Variants in DMRT1 observed in about 807,000 individuals in gnomAD.
DMRT1 encodes doublesex and mab-3 related transcription factor 1.
A neutral mutation model predicts 32.3 loss-of-function variants in DMRT1; 7 were observed. The ratio of observed to expected loss-of-function variants is 0.22; its 90% CI spans 0.12 to 0.41. The LOEUF is 0.41. Ranked by LOEUF, DMRT1 falls within the 10% of genes least tolerant of loss-of-function variation. The pLI is 1.00. For synonymous variants in DMRT1, 278 were observed against 206.1 expected, an observed-to-expected ratio of 1.35 and a Z score of -2.99; for missense variants, 625 against 500.5, an observed-to-expected ratio of 1.25 and a Z score of -2.37.
At chr9:870,476 C>A (rs961739888) in intron 2 of DMRT1, among the ~76,000 whole-genome samples, 15 of 152,254 alleles carry the variant, frequency 9.9e-5, no homozygotes, top group Middle Eastern at 3.4e-3. Flanking sequence ...TTTGATGAGT[C>A]CGTCCCGTGA....
rs573685638 is a variant in DMRT1, at chr9:965,415, C to G, written c.968-2570C>G. On this transcript the variant is annotated intron_variant, in intron 4 of 4. Transcript: ENST00000382276. The surrounding 1 kb of genome is among the most constrained non-coding windows in gnomAD (Gnocchi z 4.5). Reference sequence around the variant, plus strand: ...TGCATTAAAAGTATGCTTGGAGCCCCGCTAGTCCATGCAGGTAATATTCTG... The same window carrying G: ...TGCATTAAAAGTATGCTTGGAGCCCGGCTAGTCCATGCAGGTAATATTCTG... 6.6e-6 allele frequency among the ~76,000 whole-genome samples: 1 copy of G among 152,206 alleles called. No individual in the cohort carries two copies. The highest frequency in any genetic ancestry group is 1.5e-5 in the Non-Finnish European group (1 of 68,044).
chr9:865,901 C>T (rs35628127), intron 2 of DMRT1, among the ~76,000 whole-genome samples: 2,800 of 152,228 alleles, frequency 0.018, 39 homozygotes, highest in Middle Eastern at 0.034. Context: ...CGGTGGCTCA[C>T]ACCTGTAATC....
intron 3 of DMRT1, among the ~76,000 whole-genome samples, chr9:906,681 A>G (rs1244603340): frequency 3.3e-5 from 5 of 152,178 alleles, no homozygotes; most frequent in African/African-American, 9.7e-5. Flanking sequence ...TGTGGGCATC[A>G]TTTCTCATTT....
At chr9:947,601 C>T (rs1182545249) in intron 4 of DMRT1, among the ~76,000 whole-genome samples, 3 of 152,248 alleles carry the variant, frequency 2.0e-5, no homozygotes, top group Non-Finnish European at 2.9e-5. Context: ...TTGGAGGTCA[C>T]GGAGCTCAAC....
intron 4 of DMRT1, among the ~76,000 whole-genome samples, chr9:924,163 C>G (rs899593642): frequency 6.6e-6 from 1 of 151,664 alleles, no homozygotes; most frequent in Non-Finnish European, 1.5e-5. Context: ...CCTCTGCCTC[C>G]CAGGTTCAAG....
At chr9:845,369 G>T (rs1564191808) in intron 1 of DMRT1, among the ~76,000 whole-genome samples, 1 of 151,720 alleles carries the variant, frequency 6.6e-6, no homozygotes, top group Non-Finnish European at 1.5e-5. Context: ...CACCATGCCT[G>T]GCTAGTTTTT....
chr9:887,571 C>T (rs773867968), intron 2 of DMRT1, among the ~76,000 whole-genome samples: 5 of 152,186 alleles, frequency 3.3e-5, no homozygotes, highest in Non-Finnish European at 5.9e-5. Context: ...CAGCCAGGCT[C>T]ATCTGGTCAC....
intron 4 of DMRT1, among the ~76,000 whole-genome samples, chr9:925,104 C>A (rs1414607126): frequency 1.3e-5 from 2 of 152,186 alleles, no homozygotes; most frequent in Non-Finnish European, 2.9e-5. Context: ...CCATTCACTG[C>A]AGCATGTTAG....
At chr9:925,819 T>G (rs1818504561) in intron 4 of DMRT1, among the ~76,000 whole-genome samples, 1 of 152,056 alleles carries the variant, frequency 6.6e-6, no homozygotes, top group Non-Finnish European at 1.5e-5. Flanking sequence ...GCCTGTTAGG[T>G]AGGGGAAAGG....
chr9:945,862 G>T (rs1819226339), intron 4 of DMRT1, among the ~76,000 whole-genome samples: 1 of 151,530 alleles, frequency 6.6e-6, no homozygotes, highest in Non-Finnish European at 1.5e-5. Flanking sequence ...TGTTGTTCCA[G>T]ACCTTTTGCT....
intron 2 of DMRT1, among the ~76,000 whole-genome samples, chr9:888,711 C>T (rs1564226182): frequency 6.7e-6 from 1 of 149,968 alleles, no homozygotes; most frequent in Non-Finnish European, 1.5e-5. Context: ...TGTTAATAGT[C>T]AGGACTGTCA....
chr9:895,598 A>G (rs1021347824), intron 3 of DMRT1, among the ~76,000 whole-genome samples: 5 of 152,146 alleles, frequency 3.3e-5, no homozygotes, highest in Non-Finnish European at 5.9e-5. Context: ...GATTTGATAT[A>G]TGTGTACCTT....
intron 4 of DMRT1, among the ~76,000 whole-genome samples, chr9:928,556 T>C (rs9299089): frequency 0.8 from 122,162 of 152,062 alleles, 49,205 homozygotes; most frequent in South Asian, 0.9. Flanking sequence ...CAATCACAGG[T>C]GTATGGAACT....
intron 1 of DMRT1, among the ~76,000 whole-genome samples, chr9:844,804 T>G (rs189884445): frequency 7.0e-6 from 1 of 143,212 alleles, no homozygotes; most frequent in Non-Finnish European, 1.5e-5. Context: ...CACGGCAACC[T>G]CCGCCTCCTG....
At chr9:941,375 C>G (rs554364076) in intron 4 of DMRT1, among the ~76,000 whole-genome samples, 1 of 124,846 alleles carries the variant, frequency 8.0e-6, no homozygotes, top group Admixed American at 1.0e-4. Flanking sequence ...GAAGGAAAAT[C>G]TGACTCATGT....
intron 1 of DMRT1, chr9:842,399 T>G (rs1166796440): frequency 1.5e-6 from 1 of 651,260 alleles, no homozygotes; most frequent in Admixed American, 3.0e-5. Flanking sequence ...CATGCCCGGC[T>G]AATTTTTGTA....
intron 2 of DMRT1, among the ~76,000 whole-genome samples, chr9:876,809 G>A (rs1030533250): frequency 6.6e-6 from 1 of 152,176 alleles, no homozygotes; most frequent in Non-Finnish European, 1.5e-5. Context: ...GAGATTACAG[G>A]CATGACCACT....
chr9:913,606 T>C (rs1351007245), intron 3 of DMRT1, among the ~76,000 whole-genome samples: 1 of 152,170 alleles, frequency 6.6e-6, no homozygotes, highest in Non-Finnish European at 1.5e-5. Flanking sequence ...AATTTTTTTT[T>C]TTTTTTAAGC....
In DMRT1 at chr9:842,111, C is replaced by T; in HGVS notation, c.273C>T (p.His91=). Residue 91 remains histidine, a synonymous_variant, in exon 1 of 5, where the codon CAC becomes CAT. Transcript: ENST00000382276. ...GCTACGCCTCGCCGCTCAAGGGCCA[C>T]AAGCGCTTCTGCATGTGGCGCGACT... ...NHGYASPLKG[H]KRFCMWRDCQ... is the part of the protein sequence containing the mutation. 5 of 1,548,786 alleles carry T rather than the reference C, an allele frequency of 3.2e-6. No homozygotes were observed. The highest frequency in any genetic ancestry group is 4.3e-6 in the Non-Finnish European group (5 of 1,151,348).
Sources: gnomAD v4.1 joint callset for allele counts (sites outside exome capture counted in the v4.1 genomes callset) on GRCh38, gnomAD v4.1.1 for gene constraint, Gnocchi (gnomAD v3.1) non-coding constraint, MANE v1.5 for transcripts, NCBI Gene and HGNC (gene_info 2026-07-23, HGNC 2026-07-21) for gene names.